XPO4: variants seen among roughly 807,000 people sequenced by gnomAD.
XPO4 encodes exportin-4.
Under a neutral mutation model 143.0 loss-of-function variants are expected in XPO4, and 39 were observed. The observed-to-expected ratio is 0.27, with a 90% confidence interval of 0.21 to 0.36. The LOEUF is 0.36. Among genes scored for constraint, XPO4 ranks in the 10% least tolerant of loss-of-function variants. The pLI, the probability that XPO4 is intolerant of heterozygous loss-of-function variation, is 1.00. For synonymous variants in XPO4, 439 were observed against 474.0 expected (o/e 0.93, Z 0.96); for missense variants, 907 against 1,348.0 (o/e 0.67, Z 5.12).
chr13:20,880,895 C>T (rs929462141), intron 1 of XPO4, among the ~76,000 whole-genome samples: 4 of 149,520 alleles, frequency 2.7e-5, no homozygotes, highest in African/African-American at 9.9e-5. Flanking sequence ...GAGGTCAAGG[C>T]TGCAATAAGA....
In XPO4 at chr13:20,787,021, T is replaced by C. The variant is rs2059215495; in HGVS notation, c.3202A>G (p.Thr1068Ala). Residue 1068 changes from threonine (T) to alanine (A), a missense_variant, in exon 22 of 23, where the codon ACA (threonine) becomes GCA (alanine). By Grantham distance (58) the Thr-to-Ala change is moderately conservative. Transcript: ENST00000255305. ...FDMLVLQKHNTEMTTAAGEAF... is the reference protein window; with the variant it reads ...FDMLVLQKHNAEMTTAAGEAF... ...TCGCCAGCCGCAGTGGTCATCTCTGTGTTGTGCTTTTGCAAAACCAGCATA... is the reference window on the plus strand; with the variant it reads ...TCGCCAGCCGCAGTGGTCATCTCTGCGTTGTGCTTTTGCAAAACCAGCATA... 2 of 1,567,468 alleles carry C rather than the reference T, an allele frequency of 1.3e-6. No homozygotes were observed. The highest frequency in any genetic ancestry group is 1.7e-6 in the Non-Finnish European group (2 of 1,153,262).
chr13:20,845,978 T>A (rs186117141), intron 4 of XPO4, among the ~76,000 whole-genome samples: 115 of 152,296 alleles, frequency 7.6e-4, no homozygotes, highest in African/African-American at 2.6e-3. Context: ...TGAGAAAACT[T>A]GTCTTACTAA....
intron 1 of XPO4, among the ~76,000 whole-genome samples, chr13:20,881,923 C>G (rs1228350201): frequency 2.0e-5 from 3 of 151,748 alleles, no homozygotes; most frequent in African/African-American, 7.3e-5. Flanking sequence ...GTCTGGCCAA[C>G]AGGGTGAAAC....
chr13:20,864,258 T>C (rs2138126104), intron 2 of XPO4, among the ~76,000 whole-genome samples: 1 of 152,234 alleles, frequency 6.6e-6, no homozygotes, highest in East Asian at 1.9e-4. Context: ...GTTCCATCTA[T>C]TTAGATCACT....
At chr13:20,822,715 T>G (rs2059735637) in intron 7 of XPO4, among the ~76,000 whole-genome samples, 1 of 152,186 alleles carries the variant, frequency 6.6e-6, no homozygotes, top group South Asian at 2.1e-4. Flanking sequence ...AAGTAAACAG[T>G]TGTGCACTTA....
At chr13:20,811,887 A>G (rs1054913650) in intron 9 of XPO4, among the ~76,000 whole-genome samples, 1 of 152,182 alleles carries the variant, frequency 6.6e-6, no homozygotes, top group Non-Finnish European at 1.5e-5. Context: ...TCTTTTGGAC[A>G]TGTTAAATTT....
At chr13:20,901,014 G>A (rs1168623181) in intron 1 of XPO4, among the ~76,000 whole-genome samples, 1 of 152,164 alleles carries the variant, frequency 6.6e-6, no homozygotes, top group Admixed American at 6.5e-5. Flanking sequence ...TATGACAGAT[G>A]GGGTAGAGTG....
intron 18 of XPO4, among the ~76,000 whole-genome samples, chr13:20,792,203 C>G (rs191951434): frequency 1.9e-3 from 291 of 152,268 alleles, no homozygotes; most frequent in African/African-American, 6.2e-3. Context: ...CCCAGCACTT[C>G]GGGAGGCTGA....
At chr13:20,869,417 A>T in intron 1 of XPO4, 1 of 596,300 alleles carries the variant, frequency 1.7e-6, no homozygotes, top group Non-Finnish European at 2.1e-6. Flanking sequence ...TACATGGTTT[A>T]GTTAACTTTT....
At position 20,862,753 on chromosome 13, in the gene XPO4, C is replaced by T. The variant is rs2060213703; in HGVS notation, c.281G>A (p.Arg94Gln). 6.2e-7 allele frequency: 1 copy of T among 1,614,128 alleles called. No homozygotes were observed. The highest frequency in any genetic ancestry group is 8.5e-7 in the Non-Finnish European group (1 of 1,180,006). ...TAAGACATAGGTTAAAAGGAATGTT[C>T]GCAGAGACTCGATGCTACCTTTTTC... The part of the protein sequence containing the change: ...LLEKGSIESL[R>Q]TFLLTYVLQR... Residue 94 changes from arginine to glutamine, a missense_variant, in exon 3 of 23, where the codon CGA becomes CAA. Physicochemically the swap from Arg to Gln is conservative, Grantham distance 43 (BLOSUM62 1). Transcript: ENST00000255305.
intron 9 of XPO4, 21 bp from the exon 10 acceptor site, chr13:20,809,988 T>C (rs762711884): frequency 2.5e-6 from 4 of 1,574,148 alleles, no homozygotes; most frequent in Non-Finnish European, 3.4e-6. Flanking sequence ...AGAACACTCA[T>C]AAAACAAATG....
chr13:20,845,770 A>T (rs147741368), intron 4 of XPO4, among the ~76,000 whole-genome samples: 1 of 152,204 alleles, frequency 6.6e-6, no homozygotes, highest in Non-Finnish European at 1.5e-5. Context: ...TGATTTTTAA[A>T]CACAGCTAGG....
Position 20,821,974 on chromosome 13 carries a change from A to G in XPO4, c.999-96T>C, listed in dbSNP as rs541645251. The G allele has an allele frequency of 5.7e-6, 8 of 1,392,240 alleles. 1 individual carries two copies. Among genetic ancestry groups the G allele is most frequent in the Non-Finnish European group, 7.7e-6 (8 of 1,038,380 alleles). The allele number at this position is 1,392,240 out of a possible 1,614,324, so 86.2% of individuals were successfully genotyped here. On this transcript the variant is annotated intron_variant, in intron 8 of 22. Coordinates refer to ENST00000255305, the MANE Select transcript of XPO4 (RefSeq NM_022459.5). Reference sequence around the variant, plus strand: ...AACAAGCAAATATCGTTACTGATTCATTTTAAAAGGTATGTCTCTGTTTAT... The same window carrying G: ...AACAAGCAAATATCGTTACTGATTCGTTTTAAAAGGTATGTCTCTGTTTAT...
intron 18 of XPO4, among the ~76,000 whole-genome samples, 188 bp from the exon 19 acceptor site, chr13:20,790,768 GA>G (rs986895998): frequency 2.6e-5 from 4 of 152,058 alleles, no homozygotes; most frequent in African/African-American, 7.2e-5. Flanking sequence ...ATCCAGGGGT[GA>G]AAAAAAGATC....
chr13:20,802,519 G>T (rs2059448375), intron 13 of XPO4, among the ~76,000 whole-genome samples: 1 of 152,152 alleles, frequency 6.6e-6, no homozygotes, highest in South Asian at 2.1e-4. Flanking sequence ...AAAATTCCTG[G>T]TAAGATTAAA....
Position 20,780,474 on chromosome 13 carries a change from A to T in XPO4, c.*3248T>A, listed in dbSNP as rs2059130417. ...AAAGACTTGACATTTTTGTTAAAAG[A>T]GAAAGTTCAAAGACAGTTAAGGGGA... On this transcript the variant is annotated 3_prime_UTR_variant, in exon 23 of 23. Coordinates refer to ENST00000255305, the MANE Select transcript of XPO4 (RefSeq NM_022459.5). The T allele has an allele frequency of 6.6e-6, 1 of 152,164 alleles. No individual in the cohort carries two copies. Among genetic ancestry groups the T allele is most frequent in the Non-Finnish European group, 1.5e-5 (1 of 68,038 alleles). The allele number at this position is 152,164 out of a possible 1,614,324, so 9.4% of individuals were successfully genotyped here.
chr13:20,842,784 A>T, intron 6 of XPO4, 111 bp downstream of exon 6: 1 of 1,005,244 alleles, frequency 9.9e-7, no homozygotes, highest in Non-Finnish European at 1.4e-6. Flanking sequence ...AAAAAATCTT[A>T]TTTTCTTTCA....
chr13:20,815,034 C>A (rs757762408), intron 9 of XPO4, among the ~76,000 whole-genome samples: 5 of 152,112 alleles, frequency 3.3e-5, no homozygotes, highest in Non-Finnish European at 5.9e-5. Flanking sequence ...AATCTGTCCC[C>A]TTTTTGACAT....
chr13:20,790,410 T>A (rs1373156389), intron 19 of XPO4, 52 bp downstream of exon 19: 2 of 1,366,898 alleles, frequency 1.5e-6, no homozygotes, highest in East Asian at 2.3e-5. Flanking sequence ...TAAAGTATCT[T>A]TGAACTTCAG....
Sources: allele counts gnomAD v4.1 joint callset (sites outside exome capture counted in the v4.1 genomes callset), GRCh38; gene constraint gnomAD v4.1.1; transcripts MANE v1.5; gene names NCBI Gene and HGNC (gene_info 2026-07-23, HGNC 2026-07-21).